Variants in MTUS2 observed in about 807,000 individuals in gnomAD.
MTUS2 encodes the protein microtubule associated scaffold protein 2.
A neutral mutation model predicts 114.1 loss-of-function variants in MTUS2; 40 were observed. The observed-to-expected ratio is 0.35, with a 90% confidence interval of 0.27 to 0.46. MTUS2 has a LOEUF of 0.46. Ranked by LOEUF, MTUS2 falls within the 20% of genes least tolerant of loss-of-function variation. The pLI, the probability that MTUS2 is intolerant of heterozygous loss-of-function variation, is 1.00. For missense variants in MTUS2, 1,679 were observed against 1,705.4 expected (o/e 0.98, Z 0.27); for synonymous variants, 688 against 672.0 (o/e 1.02, Z -0.37).
At chr13:29,308,405 C>T (rs1899584731) in intron 6 of MTUS2, among the ~76,000 whole-genome samples, 1 of 152,118 alleles carries the variant, frequency 6.6e-6, no homozygotes, top group Admixed American at 6.5e-5. Context: ...AATATTAACT[C>T]AAGATGGATT....
chr13:29,358,872 TG>T (rs1869978351), intron 7 of MTUS2, among the ~76,000 whole-genome samples: 1 of 151,564 alleles, frequency 6.6e-6, no homozygotes, highest in Non-Finnish European at 1.5e-5. Context: ...ATTAAAAGGT[TG>T]CTAGACGATT....
intron 5 of MTUS2, among the ~76,000 whole-genome samples, chr13:29,145,857 A>G (rs1293719180): frequency 2.0e-5 from 3 of 152,230 alleles, no homozygotes; most frequent in Non-Finnish European, 4.4e-5. Context: ...GAGTGTAAAT[A>G]GTTTTGGAAG....
intron 2 of MTUS2, among the ~76,000 whole-genome samples, chr13:29,005,981 G>C (rs1259077242): frequency 6.6e-6 from 1 of 152,226 alleles, no homozygotes; most frequent in African/African-American, 2.4e-5. Context: ...ATTGTAGCTA[G>C]CTCTTTTAAA....
intron 2 of MTUS2, among the ~76,000 whole-genome samples, chr13:28,939,030 T>C (rs1882079191): frequency 1.3e-5 from 2 of 152,232 alleles, no homozygotes; most frequent in African/African-American, 2.4e-5. Flanking sequence ...TTAACCAAAG[T>C]AATCTGATAC....
intron 4 of MTUS2, among the ~76,000 whole-genome samples, chr13:29,089,145 C>G (rs957705034): frequency 6.6e-6 from 1 of 152,192 alleles, no homozygotes. Flanking sequence ...TAAGGCAGAT[C>G]TGGTGGTAAC....
At chr13:28,852,682 T>C (rs1469827257) in intron 2 of MTUS2, among the ~76,000 whole-genome samples, 2 of 152,002 alleles carry the variant, frequency 1.3e-5, no homozygotes, top group East Asian at 1.9e-4. Context: ...CTGGGCAACA[T>C]AGTGAAACCC....
chr13:29,317,212 C>A (rs1226938433), intron 6 of MTUS2, among the ~76,000 whole-genome samples: 1 of 152,176 alleles, frequency 6.6e-6, no homozygotes, highest in South Asian at 2.1e-4. Flanking sequence ...TACCTTCATG[C>A]ATGCAGTACA....
At chr13:29,322,544 C>T (rs572759916) in intron 6 of MTUS2, among the ~76,000 whole-genome samples, 8 of 152,128 alleles carry the variant, frequency 5.3e-5, no homozygotes, top group African/African-American at 1.4e-4. Flanking sequence ...CTGGTGGGGA[C>T]GGCAGACACT....
intron 4 of MTUS2, among the ~76,000 whole-genome samples, chr13:29,098,956 T>A (rs981344372): frequency 6.6e-6 from 1 of 152,236 alleles, no homozygotes; most frequent in African/African-American, 2.4e-5. Flanking sequence ...CAAAGTGTAA[T>A]GGATTTAGAG....
intron 2 of MTUS2, among the ~76,000 whole-genome samples, chr13:28,891,858 C>CAAAAAAAAAAAAAAAA (rs1169875500): frequency 1.5e-4 from 8 of 52,176 alleles, no homozygotes; most frequent in South Asian, 8.9e-4. Flanking sequence ...GACTCTGTCT[C>CAAAAAAAAAAAAAAAA]AAAAAAAAAA....
chr13:29,195,586 A>G (rs369406645), intron 5 of MTUS2, among the ~76,000 whole-genome samples: 94 of 149,334 alleles, frequency 6.3e-4, no homozygotes, highest in African/African-American at 2.1e-3. Context: ...AGTACATCAC[A>G]GTCCTTCCGG....
intron 2 of MTUS2, among the ~76,000 whole-genome samples, chr13:28,910,541 C>T (rs184744020): frequency 3.3e-5 from 5 of 151,918 alleles, no homozygotes; most frequent in Non-Finnish European, 5.9e-5. Context: ...GCTCTTCCTC[C>T]CCCCAGCCCC....
At chr13:29,206,694 C>T (rs1035938740) in intron 5 of MTUS2, among the ~76,000 whole-genome samples, 3 of 151,844 alleles carry the variant, frequency 2.0e-5, no homozygotes, top group Non-Finnish European at 2.9e-5. Flanking sequence ...TTTTTGTTTC[C>T]GTTGTTGAAG....
At chr13:29,369,536 A>AC (rs1417369739) in intron 8 of MTUS2, among the ~76,000 whole-genome samples, 1 of 150,592 alleles carries the variant, frequency 6.6e-6, no homozygotes, top group African/African-American at 2.4e-5. Flanking sequence ...TTTATTCCTG[A>AC]CCATCAAATC....
chr13:28,850,223 A>C (rs1593244590), intron 2 of MTUS2, among the ~76,000 whole-genome samples: 1 of 152,232 alleles, frequency 6.6e-6, no homozygotes, highest in East Asian at 1.9e-4. Flanking sequence ...TATTGTCCGC[A>C]AACTCAAGAA....
chr13:29,324,736 CT>C, intron 7 of MTUS2, 25 bp downstream of exon 7: 2 of 1,545,462 alleles, frequency 1.3e-6, no homozygotes, highest in East Asian at 4.6e-5. Flanking sequence ...TGATGTGTTC[CT>C]TGGGGGAATG....
intron 15 of MTUS2, among the ~76,000 whole-genome samples, chr13:29,502,604 T>A (rs1882982258): frequency 6.6e-6 from 1 of 152,262 alleles, no homozygotes; most frequent in African/African-American, 2.4e-5. Context: ...GGCTCTTCAC[T>A]GCTATTGTGC....
chr13:29,337,820 G>A (rs553938266), intron 7 of MTUS2, among the ~76,000 whole-genome samples: 41 of 146,080 alleles, frequency 2.8e-4, no homozygotes, highest in African/African-American at 9.0e-4. Context: ...ACAGAGTCTC[G>A]CTCTGTTGCC....
intron 6 of MTUS2, among the ~76,000 whole-genome samples, chr13:29,297,840 G>A (rs1899016053): frequency 6.6e-6 from 1 of 151,796 alleles, no homozygotes; most frequent in South Asian, 2.1e-4. Context: ...GGAAAGTGTT[G>A]CGGATTTAGT....
Sources: gnomAD v4.1 joint callset for allele counts (sites outside exome capture counted in the v4.1 genomes callset) on GRCh38, gnomAD v4.1.1 for gene constraint, MANE v1.5 for transcripts, NCBI Gene and HGNC (gene_info 2026-07-23, HGNC 2026-07-21) for gene names.